Variants in SLC38A8 observed in about 807,000 individuals in gnomAD.
The protein encoded by SLC38A8 is amino acid transporter SLC38A8.
SLC38A8 carries 65 observed loss-of-function variants against 46.0 expected under a neutral mutation model. The ratio of observed to expected loss-of-function variants is 1.41; its 90% CI spans 1.16 to 1.74. The LOEUF is 1.74. SLC38A8 is among the 40% of genes most tolerant of loss of function. The pLI, the probability that SLC38A8 is intolerant of heterozygous loss-of-function variation, is 0.00. For missense variants in SLC38A8, 998 were observed against 567.9 expected (o/e 1.76, Z -7.70); for synonymous variants, 447 against 243.7 (o/e 1.83, Z -7.77).
chr16:84,029,374 T>C lies in SLC38A8; in HGVS notation c.690+120A>G, dbSNP rs1022093443. On this transcript the variant is annotated intron_variant, in intron 6 of 10. Coordinates refer to ENST00000299709, the MANE Select transcript of SLC38A8 (RefSeq NM_001080442.3). ...CAGGTGGGCGGCACAGAGCCCACTG[T>C]ATCCTAGGAGAAGTCCTCAGACGCC... 12 of 992,132 alleles carry C rather than the reference T, an allele frequency of 1.2e-5. No individual in the cohort carries two copies. In the East Asian group the frequency reaches 3.1e-4, roughly 26 times the overall value. The allele number at this position is 992,132 out of a possible 1,614,324, so 61.5% of individuals were successfully genotyped here. A position where few individuals can be genotyped will look rare whatever the true frequency, so the allele number is the denominator to read the frequency against.
chr16:84,024,833 G>A (rs138073784), intron 6 of SLC38A8, among the ~76,000 whole-genome samples: 1 of 152,008 alleles, frequency 6.6e-6, no homozygotes, highest in Non-Finnish European at 1.5e-5. Flanking sequence ...GGGATTACAG[G>A]CACGCCCAGC....
At chr16:84,038,593 T>G (rs1023119998) in intron 2 of SLC38A8, among the ~76,000 whole-genome samples, 2 of 152,190 alleles carry the variant, frequency 1.3e-5, no homozygotes, top group African/African-American at 4.8e-5. Context: ...GTAGGGTGAA[T>G]ATTTACATAT....
intron 5 of SLC38A8, 136 bp from the exon 6 acceptor site, chr16:84,029,687 G>T (rs1245266583): frequency 2.4e-6 from 2 of 849,860 alleles, no homozygotes; most frequent in Non-Finnish European, 3.7e-6. Flanking sequence ...TAATGACTGT[G>T]TCCGTGACCG....
At chr16:84,022,490 G>C (rs1339256771) in intron 7 of SLC38A8, among the ~76,000 whole-genome samples, 2 of 152,236 alleles carry the variant, frequency 1.3e-5, no homozygotes, top group Admixed American at 6.5e-5. Flanking sequence ...CTGGGGTGTG[G>C]TGTGTCAGAG....
chr16:84,032,059 C>T, intron 4 of SLC38A8, 91 bp from the exon 5 acceptor site: 1 of 1,133,442 alleles, frequency 8.8e-7, no homozygotes, highest in Non-Finnish European at 1.3e-6. Flanking sequence ...CCCAGCTCCG[C>T]CCTTGACAAT....
chr16:84,028,032 G>A (rs1210232999), intron 6 of SLC38A8, among the ~76,000 whole-genome samples: 1 of 150,286 alleles, frequency 6.7e-6, no homozygotes, highest in Non-Finnish European at 1.5e-5. Flanking sequence ...AAGAGAAATG[G>A]AAATGTTTCA....
chr16:84,030,045 G>C (rs980129651), intron 5 of SLC38A8, among the ~76,000 whole-genome samples: 10 of 152,198 alleles, frequency 6.6e-5, no homozygotes, highest in Non-Finnish European at 1.5e-4. Flanking sequence ...GGCTTTGCAG[G>C]TGTAATTACT....
rs187048636 is a variant in SLC38A8 at position 84,011,696 on chromosome 16, G to A, written c.1214+1305C>T. On this transcript the variant is annotated intron_variant, in intron 10 of 10. Coordinates refer to ENST00000299709, the MANE Select transcript of SLC38A8 (RefSeq NM_001080442.3). The stretch of plus-strand genomic sequence containing the variant: ...AGAAGATACAACCTAGATTTAGGGT[G>A]GACCCTAATCTGATGGTAGGTATCC... Among the ~76,000 whole-genome samples, 395 of 152,300 alleles carry A rather than the reference G, an allele frequency of 2.6e-3. 1 individual carries two copies. The highest frequency in any genetic ancestry group is 4.3e-3 in the Non-Finnish European group (293 of 68,024).
intron 2 of SLC38A8, among the ~76,000 whole-genome samples, chr16:84,039,098 G>A (rs541672282): frequency 6.6e-6 from 1 of 152,176 alleles, no homozygotes; most frequent in Non-Finnish European, 1.5e-5. Flanking sequence ...AGACAGAAGG[G>A]AAGGAGGCAG....
chr16:84,028,596 A>G (rs1216668144), intron 6 of SLC38A8, among the ~76,000 whole-genome samples: 1 of 151,496 alleles, frequency 6.6e-6, no homozygotes, highest in Non-Finnish European at 1.5e-5. Flanking sequence ...AAGAAATGGA[A>G]GAGCAGTGTC....
In SLC38A8 at chr16:84,024,121, A is replaced by G. The variant is rs188342549; in HGVS notation, c.691-1232T>C. Among the ~76,000 whole-genome samples, 251 of 152,228 alleles carry G rather than the reference A, an allele frequency of 1.6e-3. 14 individuals carry two copies. In the East Asian group the frequency reaches 0.043, roughly 26 times the overall value. On this transcript the variant is annotated intron_variant, in intron 6 of 10. Coordinates refer to ENST00000299709, the MANE Select transcript of SLC38A8 (RefSeq NM_001080442.3). ...AACAGCCCCCCTCCCCCAAGTTGTG[A>G]CAACCCAAAATGTCTGCAGACATGG...
intron 6 of SLC38A8, among the ~76,000 whole-genome samples, chr16:84,023,190 C>T (rs2085115976): frequency 6.6e-6 from 1 of 152,128 alleles, no homozygotes; most frequent in Admixed American, 6.5e-5. Context: ...CAAACACCCA[C>T]TGCCCCTTTC....
chr16:84,010,067 ATTTTT>A (rs397855804), intron 10 of SLC38A8, among the ~76,000 whole-genome samples, 190 bp from the exon 11 acceptor site: 1 of 111,934 alleles, frequency 8.9e-6, no homozygotes, highest in South Asian at 2.8e-4. Context: ...TACCCAGGCA[ATTTTT>A]TTTTTTTTTT....
intron 9 of SLC38A8, among the ~76,000 whole-genome samples, chr16:84,015,479 TA>T (rs990190732): frequency 2.6e-5 from 4 of 152,054 alleles, no homozygotes; most frequent in Non-Finnish European, 5.9e-5. Flanking sequence ...TTTCTTTTTT[TA>T]ATAAAACAAA....
Position 84,030,525 on chromosome 16 carries a change from T to G in SLC38A8, c.633-974A>C, listed in dbSNP as rs143908871. On this transcript the variant is annotated intron_variant, in intron 5 of 10. Transcript: ENST00000299709. ...CACAGACCTGCCCAGCTGCTTGACT[T>G]CCCTCTTAGATGTCTCCAGGTCGGC... 4.1e-3 allele frequency among the ~76,000 whole-genome samples: 621 copies of G among 152,012 alleles called. 8 individuals are homozygous for G. The highest frequency in any genetic ancestry group is 0.014 in the African/African-American group (599 of 41,454).
At chr16:84,033,209 TCCC>T (rs1195877235) in intron 4 of SLC38A8, 116 bp downstream of exon 4, 14 of 1,398,150 alleles carry the variant, frequency 1.0e-5, no homozygotes, top group Middle Eastern at 1.8e-4. Flanking sequence ...TTTTTCGTTT[TCCC>T]CTTCTCCAAA....
intron 2 of SLC38A8, among the ~76,000 whole-genome samples, chr16:84,037,575 A>G (rs2085315114): frequency 6.6e-6 from 1 of 152,118 alleles, no homozygotes; most frequent in Non-Finnish European, 1.5e-5. Flanking sequence ...AGCCTGGCCA[A>G]CATGGAGAAA....
intron 6 of SLC38A8, among the ~76,000 whole-genome samples, chr16:84,023,218 G>A (rs563863074): frequency 1.3e-5 from 2 of 151,494 alleles, no homozygotes; most frequent in African/African-American, 4.9e-5. Context: ...TCCCTTACCT[G>A]CCCACCTTAT....
chr16:84,015,633 C>G (rs993663893), intron 9 of SLC38A8, among the ~76,000 whole-genome samples: 1 of 152,050 alleles, frequency 6.6e-6, no homozygotes, highest in African/African-American at 2.4e-5. Flanking sequence ...AACGTTCCTA[C>G]GTCAAGAATG....
Sources: gnomAD v4.1 joint callset for allele counts (sites outside exome capture counted in the v4.1 genomes callset) on GRCh38, gnomAD v4.1.1 for gene constraint, MANE v1.5 for transcripts, NCBI Gene and HGNC (gene_info 2026-07-23, HGNC 2026-07-21) for gene names.